Variants in COL6A6 observed in about 807,000 individuals in gnomAD.
COL6A6 encodes the protein collagen type VI alpha 6 chain.
In COL6A6, 183 loss-of-function variants were observed where a neutral mutation model predicts 208.6. The observed-to-expected ratio is 0.88, with a 90% CI of 0.78 to 0.99. The LOEUF is 0.99. Ranked by LOEUF, COL6A6 falls within the 50% of genes least tolerant of loss-of-function variation. The pLI is 0.00. For synonymous variants in COL6A6, 973 were observed against 1,011.8 expected, an observed-to-expected ratio of 0.96 and a Z score of 0.73; for missense variants, 2,816 against 2,815.2, an observed-to-expected ratio of 1.00 and a Z score of -0.01.
chr3:130,669,355 A>C (rs1576431561), intron 36 of COL6A6, among the ~76,000 whole-genome samples: 1 of 152,132 alleles, frequency 6.6e-6, no homozygotes, highest in East Asian at 1.9e-4. Context: ...AGATCATGCC[A>C]CTGCACTCCA....
chr3:130,540,919 G>C (rs1295337069), intron 1 of COL6A6, among the ~76,000 whole-genome samples: 3 of 152,124 alleles, frequency 2.0e-5, no homozygotes, highest in Non-Finnish European at 4.4e-5. Flanking sequence ...ATGGGCATTT[G>C]GGTTGATTCC....
chr3:130,547,609 C>T (rs544453044), intron 1 of COL6A6, among the ~76,000 whole-genome samples: 1 of 152,364 alleles, frequency 6.6e-6, no homozygotes, highest in East Asian at 1.9e-4. Flanking sequence ...AGCATGTTGT[C>T]ACCTCTCAAT....
chr3:130,520,601 T>C (rs1333852083), intron 1 of COL6A6, among the ~76,000 whole-genome samples: 1 of 152,226 alleles, frequency 6.6e-6, no homozygotes, highest in Non-Finnish European at 1.5e-5. Flanking sequence ...TATTCAGTAA[T>C]ATTTGGTAAG....
intron 36 of COL6A6, among the ~76,000 whole-genome samples, chr3:130,670,131 A>G (rs7646522): frequency 0.037 from 5,599 of 152,300 alleles, 373 homozygotes; most frequent in African/African-American, 0.13. Flanking sequence ...CCAGCAGCAA[A>G]TAATTCCTGA....
intron 32 of COL6A6, among the ~76,000 whole-genome samples, chr3:130,645,849 T>C (rs62280683): frequency 0.1 from 15,281 of 152,266 alleles, 899 homozygotes; most frequent in East Asian, 0.18. Flanking sequence ...CTTATCACCC[T>C]CTTATACATT....
At chr3:130,666,861 C>A (rs1211217000) in intron 36 of COL6A6, among the ~76,000 whole-genome samples, 1 of 151,924 alleles carries the variant, frequency 6.6e-6, no homozygotes, top group Non-Finnish European at 1.5e-5. Context: ...AAAGATATAA[C>A]AGGCAAGATA....
chr3:130,570,888 G>C lies in COL6A6; in HGVS notation c.2472G>C (p.Glu824Asp), dbSNP rs201487305. Reference sequence around the variant, plus strand: ...GCTCTGGCAGTATTGACTATGATGAGTATAATATCATGAAGGATTTTATGA... The same window carrying C: ...GCTCTGGCAGTATTGACTATGATGACTATAATATCATGAAGGATTTTATGA... ...IDSSGSIDYD[E>D]YNIMKDFMIG... The change falls in exon 7 of 37, where the codon GAG becomes GAC. Residue 824 changes from glutamate to aspartate, a missense_variant. Transcript: ENST00000358511. 9.2e-5 allele frequency: 149 copies of C among 1,613,874 alleles called. No homozygotes were observed. The African/African-American group carries it at 1.6e-3, about 18-fold the overall frequency.
At chr3:130,529,986 T>A (rs2062045942) in intron 1 of COL6A6, among the ~76,000 whole-genome samples, 3 of 152,210 alleles carry the variant, frequency 2.0e-5, no homozygotes, top group Non-Finnish European at 4.4e-5. Context: ...TAGCATCACC[T>A]GGAACATTGT....
chr3:130,618,332 A>T (rs2064599120), intron 23 of COL6A6, among the ~76,000 whole-genome samples: 1 of 152,226 alleles, frequency 6.6e-6, no homozygotes, highest in Non-Finnish European at 1.5e-5. Flanking sequence ...AATAACAGGC[A>T]TCTCACTGTG....
In COL6A6 at chr3:130,593,191, T is replaced by G. The variant is rs1370790492; in HGVS notation, c.4417-8T>G. ...TTCTATTAATAGCTTTCCCTTCTTG[T>G]TTTTTAGGGTGATAATGGTCTTCCT... On this transcript the variant is annotated splice_region_variant and splice_polypyrimidine_tract_variant and intron_variant, in intron 16 of 36. Coordinates refer to ENST00000358511, the MANE Select transcript of COL6A6 (RefSeq NM_001102608.3). 3 of 1,612,806 alleles carry G rather than the reference T, an allele frequency of 1.9e-6. No homozygotes were observed. The East Asian group carries it at 6.7e-5, about 36-fold the overall frequency.
At chr3:130,670,874 T>C (rs7639031) in intron 36 of COL6A6, among the ~76,000 whole-genome samples, 5,692 of 152,320 alleles carry the variant, frequency 0.037, 376 homozygotes, top group African/African-American at 0.13. Context: ...GGTGTGATTT[T>C]TTGTTTCAAG....
rs951236714 is a variant in COL6A6 at position 130,675,926 on chromosome 3, T to C, written c.*529T>C. The stretch of plus-strand genomic sequence containing the variant: ...CTTAAACACACCACTGTGGGAGTTG[T>C]TTGCTTGGACTGATGAGAAGAGGGT... On this transcript the variant is annotated 3_prime_UTR_variant, in exon 37 of 37. Coordinates refer to ENST00000358511, the MANE Select transcript of COL6A6 (RefSeq NM_001102608.3). 1 of 152,244 alleles carries C rather than the reference T, an allele frequency of 6.6e-6. No individual in the cohort carries two copies. Among genetic ancestry groups the C allele is most frequent in the Non-Finnish European group, 1.5e-5 (1 of 68,058 alleles). 9.4% of individuals were successfully genotyped at this position (152,244 alleles called of 1,614,324 possible).
At chr3:130,568,729 A>G (rs1004858874) in intron 6 of COL6A6, 125 bp downstream of exon 6, 1 of 943,256 alleles carries the variant, frequency 1.1e-6, no homozygotes, top group Admixed American at 2.9e-5. Context: ...TGTTTCTCCT[A>G]GTGGCTTTGA....
intron 1 of COL6A6, among the ~76,000 whole-genome samples, chr3:130,532,080 C>G (rs530625446): frequency 6.6e-6 from 1 of 152,072 alleles, no homozygotes; most frequent in South Asian, 2.1e-4. Flanking sequence ...CTTTTGATAG[C>G]TTTTGAAATA....
At chr3:130,603,981 A>G (rs1183406971) in intron 20 of COL6A6, among the ~76,000 whole-genome samples, 2 of 152,140 alleles carry the variant, frequency 1.3e-5, no homozygotes, top group Non-Finnish European at 2.9e-5. Context: ...GTGCCCATTC[A>G]CAGTCTGTTT....
rs776250966 is a variant in COL6A6 at position 130,566,694 on chromosome 3, C to G, written c.1283-8C>G. ...AATGCCACATGCAACTTATTGATTC[C>G]TTTTTAGGTTGTGTGGACACTGAGG... On this transcript the variant is annotated splice_region_variant and splice_polypyrimidine_tract_variant and intron_variant, in intron 4 of 36. Coordinates refer to ENST00000358511, the MANE Select transcript of COL6A6 (RefSeq NM_001102608.3). 1.9e-6 allele frequency: 3 copies of G among 1,581,664 alleles called. No homozygotes were observed. Among genetic ancestry groups the G allele is most frequent in the Non-Finnish European group, 2.6e-6 (3 of 1,163,644 alleles).
chr3:130,649,949 A>C (rs780570742), intron 33 of COL6A6, among the ~76,000 whole-genome samples: 2 of 152,206 alleles, frequency 1.3e-5, no homozygotes, highest in African/African-American at 4.8e-5. Flanking sequence ...ATCTAAAGAT[A>C]CTGAATCAGG....
chr3:130,595,729 G>A (rs992279640), intron 18 of COL6A6, among the ~76,000 whole-genome samples: 1 of 152,064 alleles, frequency 6.6e-6, no homozygotes, highest in Non-Finnish European at 1.5e-5. Context: ...GTTGCTCCCA[G>A]TTTTTGCTTT....
intron 20 of COL6A6, among the ~76,000 whole-genome samples, chr3:130,606,711 T>C (rs1232274679): frequency 6.6e-6 from 1 of 152,240 alleles, no homozygotes; most frequent in African/African-American, 2.4e-5. Context: ...TTATTTCTAT[T>C]GTCAGTTATT....
Sources: gnomAD v4.1 joint callset for allele counts (sites outside exome capture counted in the v4.1 genomes callset) on GRCh38, gnomAD v4.1.1 for gene constraint, MANE v1.5 for transcripts, NCBI Gene and HGNC (gene_info 2026-07-23, HGNC 2026-07-21) for gene names.